The following PLA2G12B variants were observed in gnomAD, a reference collection of about 807,000 sequenced individuals.
PLA2G12B encodes the protein phospholipase A2 group XIIB.
PLA2G12B carries 19 observed loss-of-function variants against 22.3 expected under a neutral mutation model. That is an observed-to-expected ratio of 0.85 (90% CI 0.60 to 1.25). The LOEUF is 1.25. PLA2G12B is among the 50% of genes most tolerant of loss of function. The pLI is 0.00. For missense variants in PLA2G12B, 191 were observed against 246.6 expected, an observed-to-expected ratio of 0.77 and a Z score of 1.51; for synonymous variants, 81 against 94.9, an observed-to-expected ratio of 0.85 and a Z score of 0.85.
At chr10:72,954,335 G>A in intron 1 of PLA2G12B, 140 bp downstream of exon 1, 1 of 936,144 alleles carries the variant, frequency 1.1e-6, no homozygotes, top group Non-Finnish European at 1.7e-6. Context: ...ATTTCACTGG[G>A]TGTCCTACAT....
At chr10:72,947,200 C>T (rs889652341) in intron 1 of PLA2G12B, among the ~76,000 whole-genome samples, 23 of 151,984 alleles carry the variant, frequency 1.5e-4, no homozygotes, top group Admixed American at 4.6e-4. Context: ...GCTAGAATTA[C>T]AGGCATGAGC....
chr10:72,935,777 A>C, intron 3 of PLA2G12B, 39 bp from the exon 4 acceptor site: 1 of 1,601,820 alleles, frequency 6.2e-7, no homozygotes, highest in Non-Finnish European at 8.5e-7. Context: ...GTTAACCCTG[A>C]GTAATTTTGA....
At chr10:72,953,819 C>G (rs569705499) in intron 1 of PLA2G12B, among the ~76,000 whole-genome samples, 1 of 152,308 alleles carries the variant, frequency 6.6e-6, no homozygotes, top group African/African-American at 2.4e-5. Context: ...GGGACAGCCC[C>G]GGGATCCCTG....
chr10:72,951,008 T>C (rs921804233), intron 1 of PLA2G12B, among the ~76,000 whole-genome samples: 5 of 152,220 alleles, frequency 3.3e-5, no homozygotes, highest in African/African-American at 1.2e-4. Flanking sequence ...CATTTTTACG[T>C]TGAAAGAGAG....
In PLA2G12B at chr10:72,942,024, C is replaced by A. The variant is rs576144851; in HGVS notation, c.300+628G>T. ...CGTGTCTGGGTACGGTGGCTCACGA[C>A]TGTAATCCCAGCACTTTGGGAGGCC... is the stretch of plus-strand genomic sequence containing the variant. On this transcript the variant is annotated intron_variant, in intron 2 of 3. Coordinates refer to ENST00000373032, the MANE Select transcript of PLA2G12B (RefSeq NM_032562.5). 2.0e-5 allele frequency among the ~76,000 whole-genome samples: 3 copies of A among 152,284 alleles called. No individual in the cohort carries two copies. The East Asian group carries it at 5.8e-4, about 29-fold the overall frequency.
chr10:72,937,159 G>A (rs975593141), intron 3 of PLA2G12B, among the ~76,000 whole-genome samples: 8 of 151,648 alleles, frequency 5.3e-5, no homozygotes, highest in African/African-American at 7.3e-5. Flanking sequence ...GCAGTGAGCC[G>A]AGATCACACC....
intron 1 of PLA2G12B, among the ~76,000 whole-genome samples, chr10:72,947,172 A>G (rs933426577): frequency 6.6e-6 from 1 of 151,570 alleles, no homozygotes; most frequent in Non-Finnish European, 1.5e-5. Flanking sequence ...CAGCTCTCCA[A>G]CCTCAGCTTA....
At chr10:72,948,100 G>A (rs143741372) in intron 1 of PLA2G12B, among the ~76,000 whole-genome samples, 3 of 152,162 alleles carry the variant, frequency 2.0e-5, no homozygotes, top group South Asian at 2.1e-4. Context: ...GGTCTCAAAC[G>A]CCTGACCTCA....
chr10:72,945,322 CCT>C (rs1846422772), intron 1 of PLA2G12B, among the ~76,000 whole-genome samples: 2 of 152,086 alleles, frequency 1.3e-5, no homozygotes, highest in African/African-American at 4.8e-5. Context: ...TCTTACTCTC[CCT>C]CTCTCTCACC....
chr10:72,935,804 T>C (rs1846272074), intron 3 of PLA2G12B, 66 bp from the exon 4 acceptor site: 2 of 1,552,818 alleles, frequency 1.3e-6, no homozygotes, highest in Admixed American at 3.6e-5. Context: ...TTTCCAGGCA[T>C]GACATGATAC....
Position 72,954,606 on chromosome 10 carries a change from G to A in PLA2G12B, c.80C>T (p.Thr27Met), listed in dbSNP as rs945630588. Residue 27 changes from threonine (T) to methionine (M), a missense_variant, in exon 1 of 4, where the codon ACG (threonine) becomes ATG (methionine). Physicochemically the swap from Thr to Met is moderately conservative, Grantham distance 81. Transcript: ENST00000373032. Reference sequence around the variant, plus strand: ...GCCCCAGTCTGAATAGGACTCCTCCGTGTCAGGGCTCGTGTCGCTCTGAGC... The same window carrying A: ...GCCCCAGTCTGAATAGGACTCCTCCATGTCAGGGCTCGTGTCGCTCTGAGC... ...GLAQSDTSPD[T>M]EESYSDWGLR... 3.1e-6 allele frequency: 5 copies of A among 1,614,002 alleles called. No individual in the cohort carries two copies. Among genetic ancestry groups the A allele is most frequent in the South Asian group, 1.1e-5 (1 of 91,082 alleles).
chr10:72,941,477 A>G (rs1461015871), intron 2 of PLA2G12B, 143 bp from the exon 3 acceptor site: 14 of 735,168 alleles, frequency 1.9e-5, no homozygotes, highest in African/African-American at 5.3e-5. Context: ...AGAAACACCA[A>G]TGACTCAGTA....
At chr10:72,937,092 T>A (rs1846290707) in intron 3 of PLA2G12B, among the ~76,000 whole-genome samples, 1 of 152,104 alleles carries the variant, frequency 6.6e-6, no homozygotes, top group African/African-American at 2.4e-5. Flanking sequence ...GCGCCTGTAG[T>A]CCCAGCTACT....
At chr10:72,947,371 C>G (rs1034250171) in intron 1 of PLA2G12B, among the ~76,000 whole-genome samples, 1 of 152,106 alleles carries the variant, frequency 6.6e-6, no homozygotes, top group African/African-American at 2.4e-5. Flanking sequence ...TCCCTAGTAG[C>G]TGGGACTACA....
chr10:72,937,361 T>C (rs1385141818), intron 3 of PLA2G12B, among the ~76,000 whole-genome samples: 2 of 152,216 alleles, frequency 1.3e-5, no homozygotes, highest in Non-Finnish European at 2.9e-5. Context: ...AATAGATTAC[T>C]AGTGTATATA....
At chr10:72,943,246 G>A (rs748810467) in intron 1 of PLA2G12B, among the ~76,000 whole-genome samples, 3 of 152,140 alleles carry the variant, frequency 2.0e-5, no homozygotes, top group Non-Finnish European at 4.4e-5. Flanking sequence ...GATTACAGGC[G>A]TGAGCCACCA....
chr10:72,941,450 C>T (rs1448583590), intron 2 of PLA2G12B, 116 bp from the exon 3 acceptor site: 6 of 995,884 alleles, frequency 6.0e-6, no homozygotes, highest in Middle Eastern at 2.7e-4. Flanking sequence ...ATTTCTGTTG[C>T]ATATCCCGAT....
chr10:72,951,387 G>A (rs1353670852), intron 1 of PLA2G12B, among the ~76,000 whole-genome samples: 1 of 151,634 alleles, frequency 6.6e-6, no homozygotes, highest in Non-Finnish European at 1.5e-5. Flanking sequence ...CTCTGGAGGT[G>A]GAAAAGGTTA....
chr10:72,954,196 A>G (rs1326163493), intron 1 of PLA2G12B, among the ~76,000 whole-genome samples: 5 of 152,178 alleles, frequency 3.3e-5, no homozygotes, highest in African/African-American at 4.8e-5. Context: ...TCCCAGATAC[A>G]ATACAGGAAG....
Sources: gnomAD v4.1 joint callset for allele counts (sites outside exome capture counted in the v4.1 genomes callset) on GRCh38, gnomAD v4.1.1 for gene constraint, MANE v1.5 for transcripts, NCBI Gene and HGNC (gene_info 2026-07-23, HGNC 2026-07-21) for gene names.